The following OR6A2 variants were observed in gnomAD, a reference collection of about 807,000 sequenced individuals.
The protein encoded by OR6A2 is olfactory receptor 6A2.
In OR6A2, 6 loss-of-function variants were observed where a neutral mutation model predicts 7.1. The observed-to-expected ratio is 0.85, with a 90% confidence interval of 0.46 to 1.68. OR6A2 has a LOEUF of 1.68. OR6A2 is among the 40% of genes most tolerant of loss of function. OR6A2 has a pLI of 0.01. For missense variants in OR6A2, 431 were observed against 398.0 expected, an observed-to-expected ratio of 1.08 and a Z score of -0.71; for synonymous variants, 162 against 152.1, an observed-to-expected ratio of 1.06 and a Z score of -0.48.
In OR6A2 at chr11:6,795,559, A is replaced by G; in HGVS notation, c.150T>C (p.Ile50=). ...GTTTGTGGAGGGTAGAATGGTTCCTAATTGCCATAATGATGAGTGTGTTCT... is the reference window on the plus strand; with the variant it reads ...GTTTGTGGAGGGTAGAATGGTTCCTGATTGCCATAATGATGAGTGTGTTCT... The part of the protein sequence containing the change: ...LTENTLIIMA[I]RNHSTLHKPM... The change falls in exon 2 of 2, where the codon ATT becomes ATC. Residue 50 remains isoleucine (I), a synonymous_variant. Transcript: ENST00000641196. 1 of 1,614,098 alleles carries G rather than the reference A, an allele frequency of 6.2e-7. No individual in the cohort carries two copies. The highest frequency in any genetic ancestry group is 2.2e-5 in the East Asian group (1 of 44,886).
intron 1 of OR6A2, among the ~76,000 whole-genome samples, chr11:6,796,891 T>C (rs1338716206): frequency 6.6e-6 from 1 of 151,960 alleles, no homozygotes; most frequent in African/African-American, 2.4e-5. Context: ...TGGGAGAGAG[T>C]GTGGAGTTTA....
intron 1 of OR6A2, among the ~76,000 whole-genome samples, chr11:6,797,529 TC>T (rs1256948026): frequency 6.6e-6 from 1 of 152,170 alleles, no homozygotes; most frequent in African/African-American, 2.4e-5. Context: ...TTCATTCATA[TC>T]CTTTGGTCAC....
rs148911335 is a variant in OR6A2 at position 6,795,388 on chromosome 11, G to C, written c.321C>G (p.Tyr107Ter). ...CAGTGCAGCCCAAGCCAAGGAAAAA[G>C]TAGAGCTGTGTCATGCATCCCTCAA... The part of the protein sequence containing the change: ...ISFEGCMTQL[Y>*]FFLGLGCTEC... Residue 107 changes from tyrosine (Y) to a stop codon, truncating the protein, a stop_gained, in exon 2 of 2, where the codon TAC becomes TAG. Transcript: ENST00000641196. LOFTEE classifies it high-confidence loss of function. 1.1e-4 allele frequency: 179 copies of C among 1,614,092 alleles called. No individual in the cohort carries two copies. The African/African-American group carries it at 2.2e-3, about 20-fold the overall frequency.
In OR6A2 at chr11:6,792,341, T is replaced by G. The variant is rs1199050868; in HGVS notation, c.*2384A>C. 6.6e-6 allele frequency: 1 copy of G among 152,196 alleles called. No homozygotes were observed. Among genetic ancestry groups the G allele is most frequent in the Non-Finnish European group, 1.5e-5 (1 of 68,026 alleles). The allele number at this position is 152,196 out of a possible 1,614,324, so 9.4% of individuals were successfully genotyped here. The stretch of plus-strand genomic sequence containing the variant: ...TAAGGACAAAAAGGAAAATTAAGAA[T>G]GTGCTGTGAAGAAACTTAAAAGGCA... On this transcript the variant is annotated 3_prime_UTR_variant, in exon 2 of 2. Coordinates refer to ENST00000641196, the MANE Select transcript of OR6A2 (RefSeq NM_003696.3).
intron 1 of OR6A2, among the ~76,000 whole-genome samples, chr11:6,798,273 C>A (rs1847767318): frequency 1.3e-5 from 2 of 152,162 alleles, no homozygotes; most frequent in South Asian, 4.1e-4. Context: ...CCTATGCAAG[C>A]CATCTGGAAG....
At chr11:6,796,184 CA>C (rs1237305189) in intron 1 of OR6A2, among the ~76,000 whole-genome samples, 2 of 152,168 alleles carry the variant, frequency 1.3e-5, no homozygotes, top group African/African-American at 4.8e-5. Context: ...GTTATTATTG[CA>C]TGCACTGCTG....
intron 1 of OR6A2, among the ~76,000 whole-genome samples, chr11:6,797,232 G>T (rs746142334): frequency 1.3e-5 from 2 of 152,074 alleles, no homozygotes; most frequent in Non-Finnish European, 2.9e-5. Flanking sequence ...ATTGATGGTT[G>T]ATCGGCAATG....
chr11:6,796,434 A>G (rs948525850), intron 1 of OR6A2, among the ~76,000 whole-genome samples: 2 of 152,162 alleles, frequency 1.3e-5, no homozygotes, highest in Non-Finnish European at 2.9e-5. Context: ...GGGAGAGAGA[A>G]TCTTTGAGAT....
At position 6,795,899 on chromosome 11, in the gene OR6A2, C is replaced by T. The variant is rs900565311; in HGVS notation, c.-176-15G>A. On this transcript the variant is annotated splice_polypyrimidine_tract_variant and intron_variant, in intron 1 of 1. Coordinates refer to ENST00000641196, the MANE Select transcript of OR6A2 (RefSeq NM_003696.3). The stretch of plus-strand genomic sequence containing the variant: ...CTGGAAATGAGCTAAGGCAAACATA[C>T]AAAAATAAATGTTTTTTTTTTTTTG... 7.7e-6 allele frequency: 4 copies of T among 517,598 alleles called. No individual in the cohort carries two copies. The highest frequency in any genetic ancestry group is 1.9e-5 in the African/African-American group (1 of 51,662). The allele number at this position is 517,598 out of a possible 1,614,324, so 32.1% of individuals were successfully genotyped here. A position where few individuals can be genotyped will look rare whatever the true frequency, so the allele number is the denominator to read the frequency against.
chr11:6,795,980 C>T (rs536794134), intron 1 of OR6A2, 96 bp from the exon 2 acceptor site: 27 of 341,284 alleles, frequency 7.9e-5, no homozygotes, highest in African/African-American at 4.9e-4. Context: ...CATTGAGATG[C>T]ACTGGGGAAA....
In OR6A2 at chr11:6,793,727, T is replaced by A. The variant is rs1009950360; in HGVS notation, c.*998A>T. Reference sequence around the variant, plus strand: ...GAAATATTTTTTCTTTCATTAACTCTATTTAGATCACTTTATTTCAATTTC... The same window carrying A: ...GAAATATTTTTTCTTTCATTAACTCAATTTAGATCACTTTATTTCAATTTC... On this transcript the variant is annotated 3_prime_UTR_variant, in exon 2 of 2. Coordinates refer to ENST00000641196, the MANE Select transcript of OR6A2 (RefSeq NM_003696.3). 1 of 152,174 alleles carries A rather than the reference T, an allele frequency of 6.6e-6. No individual in the cohort carries two copies. The highest frequency in any genetic ancestry group is 2.4e-5 in the African/African-American group (1 of 41,430). 9.4% of individuals were successfully genotyped at this position (152,174 alleles called of 1,614,324 possible). A position where few individuals can be genotyped will look rare whatever the true frequency, so the allele number is the denominator to read the frequency against.
intron 1 of OR6A2, among the ~76,000 whole-genome samples, chr11:6,797,937 T>G (rs954209649): frequency 6.6e-6 from 1 of 152,228 alleles, no homozygotes; most frequent in Non-Finnish European, 1.5e-5. Flanking sequence ...ATAAGGCTTC[T>G]ATCCATAGAG....
Position 6,792,490 on chromosome 11 carries a change from G to T in OR6A2, c.*2235C>A, listed in dbSNP as rs535582447. On this transcript the variant is annotated 3_prime_UTR_variant, in exon 2 of 2. Coordinates refer to ENST00000641196, the MANE Select transcript of OR6A2 (RefSeq NM_003696.3). ...TGCCTCTGGCCACTCTGAATAACCC[G>T]GGTAGATCCAGTACTCCCACCTCTT... The T allele has an allele frequency of 6.6e-6, 1 of 152,190 alleles. No homozygotes were observed. Among genetic ancestry groups the T allele is most frequent in the South Asian group, 2.1e-4 (1 of 4,828 alleles). The allele number at this position is 152,190 out of a possible 1,614,324, so 9.4% of individuals were successfully genotyped here.
At position 6,792,730 on chromosome 11, in the gene OR6A2, A is replaced by C. The variant is rs1409196251; in HGVS notation, c.*1995T>G. On this transcript the variant is annotated 3_prime_UTR_variant, in exon 2 of 2. Coordinates refer to ENST00000641196, the MANE Select transcript of OR6A2 (RefSeq NM_003696.3). ...CATAAATGGAGGATGGGGGATACTTAATCTGATAATCAATACTTCACATGA... is the reference window on the plus strand; with the variant it reads ...CATAAATGGAGGATGGGGGATACTTCATCTGATAATCAATACTTCACATGA... 6.6e-6 allele frequency: 1 copy of C among 152,200 alleles called. No individual in the cohort carries two copies. Among genetic ancestry groups the C allele is most frequent in the East Asian group, 1.9e-4 (1 of 5,198 alleles). The allele number at this position is 152,200 out of a possible 1,614,324, so 9.4% of individuals were successfully genotyped here.
rs541738910 is a variant in OR6A2, at chr11:6,793,244, T to C, written c.*1481A>G. 1.3e-5 allele frequency: 2 copies of C among 152,332 alleles called. No individual in the cohort carries two copies. Among genetic ancestry groups the C allele is most frequent in the Non-Finnish European group, 2.9e-5 (2 of 68,020 alleles). 9.4% of individuals were successfully genotyped at this position (152,332 alleles called of 1,614,324 possible). A position where few individuals can be genotyped will look rare whatever the true frequency, so the allele number is the denominator to read the frequency against. On this transcript the variant is annotated 3_prime_UTR_variant, in exon 2 of 2. Transcript: ENST00000641196. ...TAGGCACAAATAGATATGCACATTA[T>C]ATTAAAACTTTTAATAAGTATGGGC...
Position 6,795,373 on chromosome 11 carries a change from C to A in OR6A2, c.336G>T (p.Leu112Phe). 6.2e-7 allele frequency: 1 copy of A among 1,613,980 alleles called. No homozygotes were observed. Among genetic ancestry groups the A allele is most frequent in the Non-Finnish European group, 8.5e-7 (1 of 1,179,954 alleles). ...CMTQLYFFLG[L>F]GCTECVLLAV... ...CGAGAAGGACACACTCAGTGCAGCC[C>A]AAGCCAAGGAAAAAGTAGAGCTGTG... is the stretch of plus-strand genomic sequence containing the variant. Residue 112 changes from leucine (L) to phenylalanine (F), a missense_variant, in exon 2 of 2, where the codon TTG becomes TTT. Coordinates refer to ENST00000641196, the MANE Select transcript of OR6A2 (RefSeq NM_003696.3).
Position 6,792,251 on chromosome 11 carries a change from T to G in OR6A2, c.*2474A>C, listed in dbSNP as rs1257825589. On this transcript the variant is annotated 3_prime_UTR_variant, in exon 2 of 2. Coordinates refer to ENST00000641196, the MANE Select transcript of OR6A2 (RefSeq NM_003696.3). The stretch of plus-strand genomic sequence containing the variant: ...AATACACTGGCTTATTAGTCTCAAA[T>G]AAAAATTGTTAATCACAATCTAGAA... 2.0e-5 allele frequency: 3 copies of G among 152,196 alleles called. No individual in the cohort carries two copies. The highest frequency in any genetic ancestry group is 4.4e-5 in the Non-Finnish European group (3 of 68,014). The allele number at this position is 152,196 out of a possible 1,614,324, so 9.4% of individuals were successfully genotyped here.
At position 6,795,854 on chromosome 11, in the gene OR6A2, C is replaced by T; in HGVS notation, c.-146G>A. ...CATGTAATTAATCACTGAGCTGAGG[C>T]CACTGCTCTCTTCTTTAATCTGGAA... On this transcript the variant is annotated 5_prime_UTR_variant, in exon 2 of 2. Coordinates refer to ENST00000641196, the MANE Select transcript of OR6A2 (RefSeq NM_003696.3). The T allele has an allele frequency of 3.1e-6, 2 of 654,726 alleles. No individual in the cohort carries two copies. The highest frequency in any genetic ancestry group is 2.1e-5 in the South Asian group (1 of 47,124). The allele number at this position is 654,726 out of a possible 1,614,324, so 40.6% of individuals were successfully genotyped here. A position where few individuals can be genotyped will look rare whatever the true frequency, so the allele number is the denominator to read the frequency against.
At chr11:6,797,385 A>C (rs1847757940) in intron 1 of OR6A2, among the ~76,000 whole-genome samples, 1 of 152,188 alleles carries the variant, frequency 6.6e-6, no homozygotes, top group Non-Finnish European at 1.5e-5. Context: ...TCCCAATGCC[A>C]TACATGTACA....
Sources: gnomAD v4.1 joint callset for allele counts (sites outside exome capture counted in the v4.1 genomes callset) on GRCh38, gnomAD v4.1.1 for gene constraint, MANE v1.5 for transcripts, NCBI Gene and HGNC (gene_info 2026-07-23, HGNC 2026-07-21) for gene names.